DMRT1: variants seen among roughly 807,000 people sequenced by gnomAD.
DMRT1 encodes doublesex- and mab-3-related transcription factor 1.
DMRT1 carries 7 observed loss-of-function variants against 32.3 expected under a neutral mutation model. The ratio of observed to expected loss-of-function variants is 0.22; its 90% CI spans 0.12 to 0.41. DMRT1 has a LOEUF of 0.41. Among genes scored for constraint, DMRT1 ranks in the 10% least tolerant of loss-of-function variants. DMRT1 has a pLI of 1.00. For missense variants in DMRT1, 625 were observed against 500.5 expected (o/e 1.25, Z -2.37); for synonymous variants, 278 against 206.1 (o/e 1.35, Z -2.99).
chr9:901,468 A>G (rs928224897), intron 3 of DMRT1, among the ~76,000 whole-genome samples: 1 of 152,008 alleles, frequency 6.6e-6, no homozygotes, highest in Non-Finnish European at 1.5e-5. Context: ...CTGGGATTAC[A>G]GGCCCCTGCC....
chr9:895,118 A>G (rs1235114189), intron 3 of DMRT1: 1 of 152,204 alleles, frequency 6.6e-6, no homozygotes, highest in Non-Finnish European at 1.5e-5. Context: ...TCCGGCCCCA[A>G]GTATGTATTT....
Position 968,201 on chromosome 9 carries a change from G to A in DMRT1, c.*62G>A, listed in dbSNP as rs924811880. ...ACAGGCTTATTCCACTTTCCATGGG[G>A]TTTGTTAATATTTTGCATTGACTCA... On this transcript the variant is annotated 3_prime_UTR_variant, in exon 5 of 5. Transcript: ENST00000382276. 3 of 1,595,838 alleles carry A rather than the reference G, an allele frequency of 1.9e-6. No individual in the cohort carries two copies. In the Admixed American group the frequency reaches 5.1e-5, roughly 27 times the overall value.
intron 4 of DMRT1, among the ~76,000 whole-genome samples, chr9:950,631 C>G (rs1487163843): frequency 6.6e-6 from 1 of 152,140 alleles, no homozygotes; most frequent in Non-Finnish European, 1.5e-5. Flanking sequence ...ATAATGTGGA[C>G]TGAACTTCAT....
intron 2 of DMRT1, among the ~76,000 whole-genome samples, chr9:881,718 A>G (rs1014468856): frequency 1.3e-5 from 2 of 152,234 alleles, no homozygotes; most frequent in African/African-American, 4.8e-5. Context: ...AAATATTTAA[A>G]AGGTTCAAGA....
At chr9:908,398 C>T (rs1359138432) in intron 3 of DMRT1, among the ~76,000 whole-genome samples, 1 of 152,164 alleles carries the variant, frequency 6.6e-6, no homozygotes, top group Admixed American at 6.5e-5. Context: ...ATTGAGGCTG[C>T]AGTGAGCTGC....
intron 3 of DMRT1, among the ~76,000 whole-genome samples, chr9:908,957 C>T (rs1019315415): frequency 3.3e-5 from 5 of 152,144 alleles, no homozygotes; most frequent in Non-Finnish European, 5.9e-5. Flanking sequence ...TCACCCCTCC[C>T]CTGTCCACCC....
chr9:844,211 G>A (rs1052229670), intron 1 of DMRT1, among the ~76,000 whole-genome samples: 1 of 152,134 alleles, frequency 6.6e-6, no homozygotes, highest in Non-Finnish European at 1.5e-5. Flanking sequence ...GGAAACTTCA[G>A]TATTTTCTAC....
intron 2 of DMRT1, among the ~76,000 whole-genome samples, chr9:854,901 G>C (rs1342369521): frequency 6.7e-6 from 1 of 150,068 alleles, no homozygotes. Flanking sequence ...GAGTAGCTGG[G>C]ACTACAGGCG....
rs181734242 is a variant in DMRT1 at position 857,184 on chromosome 9, G to A, written c.538+10041G>A. Among the ~76,000 whole-genome samples the A allele has an allele frequency of 1.8e-3, 279 of 152,250 alleles. 1 individual carries two copies. The highest frequency in any genetic ancestry group is 6.4e-3 in the African/African-American group (267 of 41,542). ...TAGCCAGGCGTGGTGGCACATGCCT[G>A]TAATCCCAGCTACTCGGGAGGCAGA... On this transcript the variant is annotated intron_variant, in intron 2 of 4. Coordinates refer to ENST00000382276, the MANE Select transcript of DMRT1 (RefSeq NM_021951.3).
intron 2 of DMRT1, among the ~76,000 whole-genome samples, chr9:876,866 C>T (rs1312190844): frequency 6.6e-6 from 1 of 152,112 alleles, no homozygotes; most frequent in Admixed American, 6.6e-5. Context: ...CCAGACTCCA[C>T]GGCTCCCTTT....
At chr9:861,850 T>A (rs1440401842) in intron 2 of DMRT1, among the ~76,000 whole-genome samples, 4 of 144,394 alleles carry the variant, frequency 2.8e-5, no homozygotes, top group African/African-American at 1.1e-4. Context: ...GAGACGCTCC[T>A]CACCTCCCAG....
intron 2 of DMRT1, among the ~76,000 whole-genome samples, chr9:852,052 G>A (rs573406110): frequency 6.6e-6 from 1 of 151,556 alleles, no homozygotes; most frequent in Admixed American, 6.6e-5. Context: ...AGATTCTGGT[G>A]CCTGAGCCTC....
intron 2 of DMRT1, among the ~76,000 whole-genome samples, chr9:860,504 A>G (rs536933408): frequency 3.3e-5 from 5 of 152,014 alleles, no homozygotes; most frequent in African/African-American, 1.2e-4. Flanking sequence ...CGTTCAACAA[A>G]TGTTCATTCT....
At chr9:938,130 C>T (rs900843325) in intron 4 of DMRT1, among the ~76,000 whole-genome samples, 1 of 152,208 alleles carries the variant, frequency 6.6e-6, no homozygotes, top group African/African-American at 2.4e-5. Context: ...TCTTAGCACA[C>T]TTGTCAAAAA....
intron 2 of DMRT1, among the ~76,000 whole-genome samples, chr9:870,638 C>T (rs551525306): frequency 2.0e-5 from 3 of 151,492 alleles, no homozygotes; most frequent in Non-Finnish European, 4.4e-5. Context: ...AAGAAAGAAC[C>T]CCTGGTGAGT....
intron 4 of DMRT1, among the ~76,000 whole-genome samples, chr9:966,100 T>G (rs538957381): frequency 6.6e-6 from 1 of 152,342 alleles, no homozygotes; most frequent in African/African-American, 2.4e-5. Flanking sequence ...CAAAGCAGTC[T>G]GCTGCCTTTG....
At chr9:874,008 A>G (rs1441283935) in intron 2 of DMRT1, among the ~76,000 whole-genome samples, 1 of 152,230 alleles carries the variant, frequency 6.6e-6, no homozygotes, top group Admixed American at 6.5e-5. Context: ...CCTACAGAGT[A>G]TGGTGACCAT....
At chr9:845,451 A>G (rs907588364) in intron 1 of DMRT1, among the ~76,000 whole-genome samples, 2 of 152,122 alleles carry the variant, frequency 1.3e-5, no homozygotes, top group African/African-American at 2.4e-5. Flanking sequence ...CAGGTGATAC[A>G]CCTGCCTCAG....
chr9:901,706 C>A (rs1033257706), intron 3 of DMRT1, among the ~76,000 whole-genome samples: 1 of 151,834 alleles, frequency 6.6e-6, no homozygotes, highest in Non-Finnish European at 1.5e-5. Flanking sequence ...GTCAGGTTTC[C>A]CAGGATGATG....
Sources: gnomAD v4.1 joint callset for allele counts (sites outside exome capture counted in the v4.1 genomes callset) on GRCh38, gnomAD v4.1.1 for gene constraint, MANE v1.5 for transcripts, NCBI Gene and HGNC (gene_info 2026-07-23, HGNC 2026-07-21) for gene names.